GAB1: variants seen among roughly 807,000 people sequenced by gnomAD.
The protein encoded by GAB1 is GRB2-associated-binding protein 1.
In GAB1, 19 loss-of-function variants were observed where a neutral mutation model predicts 66.5. The observed-to-expected ratio is 0.29, with a 90% CI of 0.20 to 0.42. GAB1 has a LOEUF of 0.42. Among genes scored for constraint, GAB1 ranks in the 10% least tolerant of loss-of-function variants. The probability of loss-of-function intolerance (pLI) is 1.00; values close to 1 mark genes in which losing one functional copy is unlikely to be tolerated. For missense variants in GAB1, 732 were observed against 858.5 expected, an observed-to-expected ratio of 0.85 and a Z score of 1.84; for synonymous variants, 294 against 301.4, an observed-to-expected ratio of 0.98 and a Z score of 0.25.
chr4:143,460,009 C>T (rs1005075219), intron 7 of GAB1, among the ~76,000 whole-genome samples: 1 of 150,912 alleles, frequency 6.6e-6, no homozygotes, highest in African/African-American at 2.4e-5. Flanking sequence ...CTATGTTGAA[C>T]ATATGTTCAT....
At chr4:143,447,240 C>T (rs1734607240) in intron 6 of GAB1, among the ~76,000 whole-genome samples, 1 of 152,054 alleles carries the variant, frequency 6.6e-6, no homozygotes, top group Admixed American at 6.5e-5. Flanking sequence ...ATGCCTCCAG[C>T]TTTGTTCTTT....
chr4:143,386,574 G>T (rs1730927211), intron 1 of GAB1, among the ~76,000 whole-genome samples: 1 of 151,990 alleles, frequency 6.6e-6, no homozygotes, highest in African/African-American at 2.4e-5. Context: ...TTTTTATAGG[G>T]ATGAAGTCTT....
At chr4:143,432,222 G>A (rs899198991) in intron 2 of GAB1, among the ~76,000 whole-genome samples, 3 of 152,180 alleles carry the variant, frequency 2.0e-5, no homozygotes, top group African/African-American at 7.2e-5. Context: ...GGGAGTGACG[G>A]GAGTTGTGGG....
intron 1 of GAB1, 28 bp downstream of exon 1, chr4:143,337,288 C>A (rs532144688): frequency 6.5e-7 from 1 of 1,549,408 alleles, no homozygotes; most frequent in Admixed American, 1.9e-5. Flanking sequence ...CACCACTCCG[C>A]GGGCCTCGGC....
chr4:143,457,601 T>C (rs1481160156), intron 6 of GAB1: 4 of 544,340 alleles, frequency 7.3e-6, no homozygotes, highest in Non-Finnish European at 1.2e-5. Context: ...GTTGCTTTTT[T>C]TTTTTTTTTT....
intron 1 of GAB1, among the ~76,000 whole-genome samples, 161 bp downstream of exon 1, chr4:143,337,421 G>A (rs13137712): frequency 0.035 from 5,350 of 152,246 alleles, 120 homozygotes; most frequent in South Asian, 0.057. Flanking sequence ...GGGACAGGGT[G>A]CCTTGCACTC....
At chr4:143,419,430 T>A (rs2149723898) in intron 2 of GAB1, among the ~76,000 whole-genome samples, 1 of 152,256 alleles carries the variant, frequency 6.6e-6, no homozygotes, top group Non-Finnish European at 1.5e-5. Context: ...CCCAATTCCT[T>A]ACAAAATAGA....
intron 1 of GAB1, among the ~76,000 whole-genome samples, chr4:143,368,203 A>T (rs1052018958): frequency 2.6e-5 from 4 of 152,042 alleles, no homozygotes; most frequent in African/African-American, 9.7e-5. Context: ...AAGCATTCCT[A>T]ACTACCTGGC....
intron 7 of GAB1, among the ~76,000 whole-genome samples, chr4:143,459,849 A>G (rs1476547749): frequency 6.6e-6 from 1 of 152,204 alleles, no homozygotes; most frequent in Non-Finnish European, 1.5e-5. Context: ...GGGATTCTCA[A>G]TAATTTTTAA....
Position 143,434,328 on chromosome 4 carries a change from G to A in GAB1, c.593+612G>A, listed in dbSNP as rs542494908. On this transcript the variant is annotated intron_variant, in intron 3 of 9. Coordinates refer to ENST00000262994, the MANE Select transcript of GAB1 (RefSeq NM_002039.4). ...ACGAAACTTTTAGTCTTCATATCTA[G>A]CAATGAAGCAGAGCTTACCCTAAGC... 5.9e-4 allele frequency among the ~76,000 whole-genome samples: 89 copies of A among 150,948 alleles called. 1 individual carries two copies. The South Asian group carries it at 0.014, about 23-fold the overall frequency.
At chr4:143,433,974 A>G in intron 3 of GAB1, 1 of 667,380 alleles carries the variant, frequency 1.5e-6, no homozygotes. Flanking sequence ...TCTTTTGGAA[A>G]TCTGTCTCCT....
In GAB1 at chr4:143,373,864, A is replaced by ATAT. The variant is rs1553945752; in HGVS notation, c.72+36604_72+36605insTAT. Among the ~76,000 whole-genome samples the ATAT allele has an allele frequency of 3.9e-5, 2 of 50,808 alleles. 1 individual carries two copies. The highest frequency in any genetic ancestry group is 2.1e-4 in the African/African-American group (2 of 9,632). 33.3% of individuals were successfully genotyped at this position (50,808 alleles called of 152,430 possible). ...CTCTCTCTCTCTCTCTCTGTAAATA[A>ATAT]ATAAATATATATATATATATATTTT... On this transcript the variant is annotated intron_variant, in intron 1 of 9. Coordinates refer to ENST00000262994, the MANE Select transcript of GAB1 (RefSeq NM_002039.4).
intron 6 of GAB1, among the ~76,000 whole-genome samples, chr4:143,444,048 T>C (rs919660234): frequency 2.0e-4 from 30 of 152,308 alleles, no homozygotes; most frequent in African/African-American, 7.0e-4. Flanking sequence ...GTATTAAATA[T>C]TGGGAAAGCA....
intron 2 of GAB1, chr4:143,425,613 C>T (rs970734173): frequency 2.2e-5 from 17 of 762,074 alleles, no homozygotes; most frequent in African/African-American, 8.5e-5. Context: ...CACCATTTCC[C>T]GTGAACATCC....
At chr4:143,461,439 C>T (rs1329018184) in intron 8 of GAB1, among the ~76,000 whole-genome samples, 1 of 152,150 alleles carries the variant, frequency 6.6e-6, no homozygotes, top group Non-Finnish European at 1.5e-5. Flanking sequence ...CACATATGCT[C>T]ATTGGACAAG....
intron 1 of GAB1, among the ~76,000 whole-genome samples, chr4:143,369,328 C>A (rs2149664415): frequency 6.6e-6 from 1 of 152,262 alleles, no homozygotes; most frequent in Middle Eastern, 3.4e-3. Context: ...CTGCCTGCCT[C>A]AGCCTCCCAA....
intron 3 of GAB1, 96 bp downstream of exon 3, chr4:143,433,812 G>A: frequency 9.9e-7 from 1 of 1,010,138 alleles, no homozygotes. Flanking sequence ...ATTTCGATTT[G>A]CAGGCTTGAA....
At chr4:143,369,670 G>A (rs1164994366) in intron 1 of GAB1, among the ~76,000 whole-genome samples, 2 of 152,170 alleles carry the variant, frequency 1.3e-5, no homozygotes, top group African/African-American at 4.8e-5. Flanking sequence ...ATTGTTGCAT[G>A]ATAACCTGAC....
chr4:143,413,996 A>AT (rs60609370), intron 1 of GAB1, among the ~76,000 whole-genome samples: 1 of 151,202 alleles, frequency 6.6e-6, no homozygotes, highest in African/African-American at 2.4e-5. Flanking sequence ...TAATTTTTGT[A>AT]TTTTTTAGTA....
Sources: gnomAD v4.1 joint callset for allele counts (sites outside exome capture counted in the v4.1 genomes callset) on GRCh38, gnomAD v4.1.1 for gene constraint, MANE v1.5 for transcripts, NCBI Gene and HGNC (gene_info 2026-07-23, HGNC 2026-07-21) for gene names.